Variants in JMJD1C observed in about 807,000 individuals in gnomAD.
JMJD1C encodes jumonji domain-containing protein 1C.
JMJD1C carries 31 observed loss-of-function variants against 245.3 expected under a neutral mutation model. That is an observed-to-expected ratio of 0.13 (90% confidence interval 0.09 to 0.17). The LOEUF (loss-of-function observed/expected upper bound fraction) is 0.17, where lower values mean the gene tolerates loss of function less well. Among genes scored for constraint, JMJD1C ranks in the 10% least tolerant of loss-of-function variants. JMJD1C has a pLI of 1.00. For synonymous variants in JMJD1C, 1,057 were observed against 1,017.4 expected, an observed-to-expected ratio of 1.04 and a Z score of -0.74; for missense variants, 2,691 against 3,000.2, an observed-to-expected ratio of 0.90 and a Z score of 2.41.
At chr10:63,352,810 T>C (rs1295167489) in intron 2 of JMJD1C, among the ~76,000 whole-genome samples, 1 of 152,160 alleles carries the variant, frequency 6.6e-6, no homozygotes, top group South Asian at 2.1e-4. Context: ...AAATACAGTG[T>C]TCATGGGATG....
rs7904319 is a variant in JMJD1C at position 63,476,995 on chromosome 10, C to T, written n.113+44743G>A. Reference sequence around the variant, plus strand: ...AAGAGAAAGTATAAAAAACTTTATACAAAAAATTCATCAATTTACATGAAA... The same window carrying T: ...AAGAGAAAGTATAAAAAACTTTATATAAAAAATTCATCAATTTACATGAAA... On this transcript the variant is annotated intron_variant and non_coding_transcript_variant, in intron 1 of 3. Coordinates refer to the JMJD1C transcript ENST00000633035. 9.2e-3 allele frequency among the ~76,000 whole-genome samples: 1,400 copies of T among 152,136 alleles called. 17 individuals are homozygous for T. The highest frequency in any genetic ancestry group is 0.031 in the African/African-American group (1,281 of 41,518).
chr10:63,250,471 T>C (rs1487616806), intron 3 of JMJD1C, among the ~76,000 whole-genome samples: 1 of 152,160 alleles, frequency 6.6e-6, no homozygotes, highest in Non-Finnish European at 1.5e-5. Flanking sequence ...ACTAATTAAC[T>C]GCACACTCTT....
At chr10:63,268,824 C>A in intron 2 of JMJD1C, 1 of 985,732 alleles carries the variant, frequency 1.0e-6, no homozygotes, top group Non-Finnish European at 1.2e-6. Flanking sequence ...GCTCTCAAAC[C>A]AAGCATTTCT....
rs1464130254 is a variant in JMJD1C at position 63,214,655 on chromosome 10, G to A, written c.1512C>T (p.Pro504=). ...TAATATCAATAACACATTTTGGTGTGGGTGGTCTGGATACAAACTTCTCCT... is the reference window on the plus strand; with the variant it reads ...TAATATCAATAACACATTTTGGTGTAGGTGGTCTGGATACAAACTTCTCCT... ...LPKEKFVSRP[P]TPKCVIDITN... is the part of the protein sequence containing the mutation. The change falls in exon 8 of 26, where the codon CCC becomes CCT. Residue 504 remains proline, a synonymous_variant. Transcript: ENST00000399262. The A allele has an allele frequency of 6.2e-7, 1 of 1,613,902 alleles. No homozygotes were observed. Among genetic ancestry groups the A allele is most frequent in the Non-Finnish European group, 8.5e-7 (1 of 1,179,982 alleles).
intron 1 of JMJD1C, among the ~76,000 whole-genome samples, chr10:63,449,498 T>C (rs796176202): frequency 7.9e-5 from 12 of 152,294 alleles, no homozygotes; most frequent in African/African-American, 2.9e-4. Flanking sequence ...CAAGCTATTA[T>C]ATGAGCTAAA....
At chr10:63,302,584 C>T (rs979737140) in intron 2 of JMJD1C, among the ~76,000 whole-genome samples, 1 of 152,210 alleles carries the variant, frequency 6.6e-6, no homozygotes, top group African/African-American at 2.4e-5. Context: ...GACACCTTTA[C>T]AACATCTTGG....
chr10:63,244,854 A>G (rs1221832132), intron 3 of JMJD1C, among the ~76,000 whole-genome samples: 1 of 151,676 alleles, frequency 6.6e-6, no homozygotes, highest in Non-Finnish European at 1.5e-5. Context: ...AAAGAAATTA[A>G]GGCTGGGTGC....
In JMJD1C at chr10:63,189,454, G is replaced by A. The variant is rs755721303; in HGVS notation, c.6292-8C>T. 19 of 1,572,186 alleles carry A rather than the reference G, an allele frequency of 1.2e-5. No homozygotes were observed. Among genetic ancestry groups the A allele is most frequent in the African/African-American group, 1.4e-5 (1 of 72,372 alleles). ...CCGTCCACTTTTGCTACTCTATTAA[G>A]GAAAAAACAAAACAAAAAAAACCTG... On this transcript the variant is annotated splice_region_variant and splice_polypyrimidine_tract_variant and intron_variant, in intron 17 of 25. Coordinates refer to ENST00000399262, the MANE Select transcript of JMJD1C (RefSeq NM_032776.3).
At position 63,245,777 on chromosome 10, in the gene JMJD1C, C is replaced by T. The variant is rs551730167; in HGVS notation, c.447+18874G>A. 1.9e-4 allele frequency among the ~76,000 whole-genome samples: 29 copies of T among 152,240 alleles called. No individual in the cohort carries two copies. The South Asian group carries it at 5.6e-3, about 29-fold the overall frequency. On this transcript the variant is annotated intron_variant, in intron 3 of 25. Transcript: ENST00000399262. ...GGATTACAGGCGTGAGCCACCAGCC[C>T]GGCCGGGAACTCCTCTCTTTAAAGC...
At chr10:63,510,571 C>T (rs887792621) in intron 1 of JMJD1C, among the ~76,000 whole-genome samples, 1 of 152,142 alleles carries the variant, frequency 6.6e-6, no homozygotes, top group African/African-American at 2.4e-5. Context: ...ACAGATATGG[C>T]ATGATCTCTA....
intron 22 of JMJD1C, among the ~76,000 whole-genome samples, chr10:63,182,572 G>C (rs903438601): frequency 2.0e-5 from 3 of 152,176 alleles, no homozygotes; most frequent in African/African-American, 4.8e-5. Flanking sequence ...AATCATCTTA[G>C]ACTCTGCTTC....
At chr10:63,190,655 G>A (rs57447592) in intron 17 of JMJD1C, among the ~76,000 whole-genome samples, 5,253 of 152,068 alleles carry the variant, frequency 0.035, 274 homozygotes, top group East Asian at 0.25. Flanking sequence ...ATTCTAAAGG[G>A]GTATCTTAGG....
At chr10:63,461,679 G>A (rs989460626) in intron 1 of JMJD1C, among the ~76,000 whole-genome samples, 1 of 151,992 alleles carries the variant, frequency 6.6e-6, no homozygotes, top group Non-Finnish European at 1.5e-5. Context: ...TTAATACACA[G>A]TATGATTTTT....
intron 2 of JMJD1C, among the ~76,000 whole-genome samples, chr10:63,342,059 T>C (rs1027462523): frequency 6.6e-6 from 1 of 152,190 alleles, no homozygotes; most frequent in African/African-American, 2.4e-5. Context: ...GAGAAAAAAG[T>C]TTCCAACCTT....
At chr10:63,461,844 A>G (rs1952818750) in intron 1 of JMJD1C, among the ~76,000 whole-genome samples, 2 of 152,330 alleles carry the variant, frequency 1.3e-5, no homozygotes, top group South Asian at 4.1e-4. Context: ...AGATAAGCAA[A>G]TAAATAAATC....
intron 8 of JMJD1C, among the ~76,000 whole-genome samples, chr10:63,210,491 G>C (rs1002130518): frequency 6.6e-6 from 1 of 152,136 alleles, no homozygotes; most frequent in African/African-American, 2.4e-5. Flanking sequence ...ACAGAGGCTA[G>C]ACAGTCATGG....
At chr10:63,347,725 C>T (rs1943977255) in intron 2 of JMJD1C, among the ~76,000 whole-genome samples, 1 of 151,950 alleles carries the variant, frequency 6.6e-6, no homozygotes, top group Non-Finnish European at 1.5e-5. Context: ...CCAGCTTGGC[C>T]AACGTGGTGA....
chr10:63,224,121 T>C (rs577823548), intron 3 of JMJD1C, among the ~76,000 whole-genome samples: 4 of 152,282 alleles, frequency 2.6e-5, no homozygotes, highest in African/African-American at 9.6e-5. Context: ...CAAATATTTT[T>C]CCAACAATAA....
At chr10:63,453,609 C>T (rs1477557505) in intron 1 of JMJD1C, among the ~76,000 whole-genome samples, 1 of 152,014 alleles carries the variant, frequency 6.6e-6, no homozygotes, top group African/African-American at 2.4e-5. Flanking sequence ...AGGCCTGATG[C>T]CAAAGGAAAA....
Sources: allele counts gnomAD v4.1 joint callset (sites outside exome capture counted in the v4.1 genomes callset), GRCh38; gene constraint gnomAD v4.1.1; transcripts MANE v1.5; gene names NCBI Gene and HGNC (gene_info 2026-07-23, HGNC 2026-07-21).